The following MED27 variants were observed in gnomAD, a reference collection of about 807,000 sequenced individuals.
MED27 encodes the protein mediator complex subunit 27.
In MED27, 30 loss-of-function variants were observed where a neutral mutation model predicts 38.2. The observed-to-expected ratio is 0.79, with a 90% CI of 0.59 to 1.07. The LOEUF (loss-of-function observed/expected upper bound fraction) is 1.07. MED27 is among the 50% of genes least tolerant of loss of function. The pLI, the probability that MED27 is intolerant of heterozygous loss-of-function variation, is 0.00. For missense variants in MED27, 289 were observed against 397.5 expected (o/e 0.73, Z 2.32); for synonymous variants, 122 against 153.5 (o/e 0.79, Z 1.52).
At chr9:132,016,913 T>A (rs1444125950) in intron 2 of MED27, among the ~76,000 whole-genome samples, 1 of 152,160 alleles carries the variant, frequency 6.6e-6, no homozygotes, top group Non-Finnish European at 1.5e-5. Context: ...TTTAAAGGGT[T>A]CCTCTGAAAC....
At chr9:131,918,698 C>T (rs1481962250) in intron 4 of MED27, among the ~76,000 whole-genome samples, 5 of 151,816 alleles carry the variant, frequency 3.3e-5, no homozygotes, top group Non-Finnish European at 7.4e-5. Context: ...GCTTCCTGTA[C>T]GCGGCCATTT....
chr9:131,959,830 C>G (rs897626247), intron 3 of MED27, among the ~76,000 whole-genome samples: 1 of 152,090 alleles, frequency 6.6e-6, no homozygotes, highest in African/African-American at 2.4e-5. Context: ...AGAACAATTC[C>G]AAGTACCATT....
At chr9:132,030,086 T>C (rs923051296) in intron 2 of MED27, among the ~76,000 whole-genome samples, 1 of 152,072 alleles carries the variant, frequency 6.6e-6, no homozygotes, top group Non-Finnish European at 1.5e-5. Flanking sequence ...CAGGGAGGGA[T>C]GTGAAAAGGT....
intron 2 of MED27, among the ~76,000 whole-genome samples, chr9:132,057,433 G>A (rs58271837): frequency 0.011 from 1,628 of 152,328 alleles, 27 homozygotes; most frequent in African/African-American, 0.037. Flanking sequence ...GGAGGCAGCC[G>A]CGGCAAAGGT....
chr9:131,869,567 C>T (rs1838794750), intron 6 of MED27, among the ~76,000 whole-genome samples: 1 of 152,170 alleles, frequency 6.6e-6, no homozygotes, highest in Non-Finnish European at 1.5e-5. Context: ...GGCGATTCAC[C>T]CACCAGTGAG....
intron 4 of MED27, among the ~76,000 whole-genome samples, chr9:131,905,786 A>G (rs983702904): frequency 1.4e-4 from 21 of 151,742 alleles, no homozygotes; most frequent in Non-Finnish European, 2.2e-4. Context: ...CAGAATTTGG[A>G]CTGCAGAACA....
chr9:131,985,348 T>G (rs1237582793), intron 3 of MED27, among the ~76,000 whole-genome samples: 1 of 152,240 alleles, frequency 6.6e-6, no homozygotes, highest in East Asian at 1.9e-4. Context: ...ATGAGAAAAT[T>G]TGTCATCCCA....
chr9:131,873,503 A>G (rs1838871562), intron 6 of MED27, among the ~76,000 whole-genome samples: 1 of 152,160 alleles, frequency 6.6e-6, no homozygotes, highest in Non-Finnish European at 1.5e-5. Context: ...TGTACCTCGG[A>G]TTTGTATGCC....
intron 3 of MED27, among the ~76,000 whole-genome samples, chr9:131,961,026 C>T (rs1437907768): frequency 1.3e-5 from 2 of 152,120 alleles, no homozygotes; most frequent in African/African-American, 2.4e-5. Flanking sequence ...GGACACCTGC[C>T]TCATTATGAG....
intron 4 of MED27, among the ~76,000 whole-genome samples, chr9:131,930,040 G>C (rs771701164): frequency 5.9e-5 from 9 of 152,204 alleles, no homozygotes; most frequent in Non-Finnish European, 1.0e-4. Flanking sequence ...CACAGAGAGA[G>C]AGAGAGGCTC....
intron 2 of MED27, among the ~76,000 whole-genome samples, chr9:132,076,137 G>C (rs1834042180): frequency 6.6e-6 from 1 of 152,154 alleles, no homozygotes; most frequent in Non-Finnish European, 1.5e-5. Flanking sequence ...ACAAAGGAAA[G>C]CAGTCCTAGA....
chr9:132,022,583 T>C (rs1480562215), intron 2 of MED27, among the ~76,000 whole-genome samples: 4 of 152,222 alleles, frequency 2.6e-5, no homozygotes, highest in African/African-American at 9.6e-5. Context: ...AAATATGGAA[T>C]GCAAACATTT....
rs759984854 is a variant in MED27, at chr9:131,862,962, C to T, written c.801+101G>A. 8.6e-5 allele frequency: 84 copies of T among 977,412 alleles called. No homozygotes were observed. Among genetic ancestry groups the T allele is most frequent in the Non-Finnish European group, 9.3e-5 (59 of 637,264 alleles). The allele number at this position is 977,412 out of a possible 1,614,324, so 60.5% of individuals were successfully genotyped here. A position where few individuals can be genotyped will look rare whatever the true frequency, so the allele number is the denominator to read the frequency against. ...GCAGCCCCATCTCCCACTGGGAGGC[C>T]CTCAAAGTCTGAAGATGCAACGGCT... On this transcript the variant is annotated intron_variant, in intron 7 of 7. Transcript: ENST00000292035. This position sits in a 1 kb window ranked among gnomAD's most constrained non-coding sequence, Gnocchi z 4.6.
At chr9:132,036,587 A>T (rs11243604) in intron 2 of MED27, among the ~76,000 whole-genome samples, 1 of 152,214 alleles carries the variant, frequency 6.6e-6, no homozygotes, top group African/African-American at 2.4e-5. Flanking sequence ...AGAAAAGAGC[A>T]TGGCTCTACC....
chr9:131,970,507 C>T (rs1831453482), intron 3 of MED27, among the ~76,000 whole-genome samples: 1 of 152,228 alleles, frequency 6.6e-6, no homozygotes, highest in South Asian at 2.1e-4. Context: ...TGAACCCGAA[C>T]AGGACAGTCC....
At chr9:131,923,963 A>G (rs1193988762) in intron 4 of MED27, among the ~76,000 whole-genome samples, 2 of 152,204 alleles carry the variant, frequency 1.3e-5, no homozygotes, top group Non-Finnish European at 2.9e-5. Context: ...TTTTCTGAAG[A>G]TGGAAAAAAA....
intron 2 of MED27, among the ~76,000 whole-genome samples, chr9:132,039,491 T>C (rs1406267269): frequency 1.3e-5 from 2 of 152,348 alleles, no homozygotes; most frequent in South Asian, 2.1e-4. Flanking sequence ...ATTGTCATTA[T>C]GAGTCGTAAC....
At chr9:132,014,996 T>C (rs1832570552) in intron 2 of MED27, among the ~76,000 whole-genome samples, 3 of 152,198 alleles carry the variant, frequency 2.0e-5, no homozygotes, top group Admixed American at 6.5e-5. Context: ...ACAAAGTTAG[T>C]TCTGGGAAGT....
rs77549093 is a variant in MED27 at position 131,969,138 on chromosome 9, G to A, written c.480-29664C>T. On this transcript the variant is annotated intron_variant, in intron 3 of 7. Transcript: ENST00000292035. Reference sequence around the variant, plus strand: ...AAATGAAATAAAGCGCACAATGAACGTAACGTGCTTGAATCATCCTGAAAC... The same window carrying A: ...AAATGAAATAAAGCGCACAATGAACATAACGTGCTTGAATCATCCTGAAAC... 3.4e-3 allele frequency among the ~76,000 whole-genome samples: 514 copies of A among 152,174 alleles called. 8 individuals carry two copies. Among genetic ancestry groups the A allele is most frequent in the East Asian group, 0.024 (122 of 5,182 alleles).
Sources: allele counts gnomAD v4.1 joint callset (sites outside exome capture counted in the v4.1 genomes callset), GRCh38; gene constraint gnomAD v4.1.1; non-coding constraint Gnocchi (gnomAD v3.1); transcripts MANE v1.5; gene names NCBI Gene and HGNC (gene_info 2026-07-23, HGNC 2026-07-21).